Variants in MALL observed in about 807,000 individuals in gnomAD.
The protein encoded by MALL is mal, T cell differentiation protein like, also known as MAL-like protein.
Under a neutral mutation model 10.3 loss-of-function variants are expected in MALL, and 2 were observed. The ratio of observed to expected loss-of-function variants is 0.19; its 90% confidence interval spans 0.08 to 0.61. The LOEUF (loss-of-function observed/expected upper bound fraction) is 0.61. MALL is among the 20% of genes least tolerant of loss of function. MALL has a pLI of 0.88. For missense variants in MALL, 39 were observed against 115.2 expected, an observed-to-expected ratio of 0.34 and a Z score of 3.03; for synonymous variants, 27 against 51.8, an observed-to-expected ratio of 0.52 and a Z score of 2.05.
At chr2:110,115,827 C>G (rs1362717601), upstream of MALL, 37 of 1,039,614 alleles carry the variant, frequency 3.6e-5, no homozygotes, top group Admixed American at 4.3e-5. Flanking sequence ...CGCGGCAGCT[C>G]GCCCGCGCGC....
chr2:110,099,514 G>A (rs993483353), intron 1 of MALL, among the ~76,000 whole-genome samples: 39 of 152,284 alleles, frequency 2.6e-4, no homozygotes, highest in African/African-American at 9.4e-4. Context: ...TATGTAGAGT[G>A]TTCTAGCTTT....
At chr2:110,111,453 G>A (rs970980235) in intron 1 of MALL, among the ~76,000 whole-genome samples, 2 of 151,932 alleles carry the variant, frequency 1.3e-5, no homozygotes, top group Non-Finnish European at 2.9e-5. Flanking sequence ...CAAATCAAGA[G>A]CTCAACCCCT....
At chr2:110,097,193 T>C (rs1458405433) in intron 1 of MALL, among the ~76,000 whole-genome samples, 1 of 151,892 alleles carries the variant, frequency 6.6e-6, no homozygotes, top group Non-Finnish European at 1.5e-5. Context: ...GTGCTAGGAT[T>C]TGTGCAGAAA....
chr2:110,111,728 A>C (rs1476125520), intron 1 of MALL, among the ~76,000 whole-genome samples: 1 of 152,128 alleles, frequency 6.6e-6, no homozygotes, highest in East Asian at 1.9e-4. Context: ...AATTAGAAAA[A>C]AAAATTCTAA....
intron 1 of MALL, among the ~76,000 whole-genome samples, chr2:110,100,605 A>G (rs1678544126): frequency 6.6e-6 from 1 of 152,142 alleles, no homozygotes; most frequent in African/African-American, 2.4e-5. Flanking sequence ...CCTGTAGTGT[A>G]CCAGGTTGCG....
chr2:110,106,746 C>T (rs2104390346), intron 1 of MALL, among the ~76,000 whole-genome samples: 1 of 152,224 alleles, frequency 6.6e-6, no homozygotes, highest in South Asian at 2.1e-4. Flanking sequence ...ATTACCCCCA[C>T]ACAAAAGCCT....
chr2:110,113,054 G>A (rs1242939902), intron 1 of MALL, among the ~76,000 whole-genome samples: 5 of 152,124 alleles, frequency 3.3e-5, no homozygotes, highest in African/African-American at 1.2e-4. Flanking sequence ...ATATGTGGGA[G>A]CTAAGCTATA....
chr2:110,101,313 C>G (rs1678560435), intron 1 of MALL, among the ~76,000 whole-genome samples: 1 of 152,198 alleles, frequency 6.6e-6, no homozygotes, highest in Non-Finnish European at 1.5e-5. Context: ...GTTCCACACT[C>G]TGCAGTTCAA....
intron 1 of MALL, among the ~76,000 whole-genome samples, chr2:110,100,738 C>G (rs1423629985): frequency 6.6e-6 from 1 of 152,174 alleles, no homozygotes; most frequent in African/African-American, 2.4e-5. Context: ...TAGGCCACAG[C>G]CCAGCACAGG....
chr2:110,115,670 CG>C lies in MALL; in HGVS notation c.105+17del, dbSNP rs1446759120. The C allele has an allele frequency of 4.8e-6, 6 of 1,255,304 alleles. No homozygotes were observed. Among genetic ancestry groups the C allele is most frequent in the Non-Finnish European group, 6.1e-6 (6 of 988,970 alleles). The allele number at this position is 1,255,304 out of a possible 1,614,324, so 77.8% of individuals were successfully genotyped here. On this transcript the variant is annotated intron_variant, in intron 1 of 3. Coordinates refer to ENST00000272462, the MANE Select transcript of MALL (RefSeq NM_005434.5). ...CTCCCTCTCTGCAGGTGGCCCGGGTCGGGGGTGCCGCACTCACCAGCTCGGG... is the reference window on the plus strand; with the variant it reads ...CTCCCTCTCTGCAGGTGGCCCGGGTCGGGGTGCCGCACTCACCAGCTCGGG...
chr2:110,110,899 C>G (rs997327732), intron 1 of MALL, among the ~76,000 whole-genome samples: 1 of 152,068 alleles, frequency 6.6e-6, no homozygotes, highest in Non-Finnish European at 1.5e-5. Flanking sequence ...ACCAGAGATG[C>G]AAGGATGGTT....
At chr2:110,102,350 T>A (rs1678589230) in intron 1 of MALL, among the ~76,000 whole-genome samples, 1 of 112,728 alleles carries the variant, frequency 8.9e-6, no homozygotes, top group African/African-American at 2.6e-5. Flanking sequence ...TCCCCTAGGA[T>A]CACTCTCCAC....
chr2:110,108,389 A>T (rs765845408), intron 1 of MALL, among the ~76,000 whole-genome samples: 10 of 152,102 alleles, frequency 6.6e-5, no homozygotes, highest in Non-Finnish European at 1.0e-4. Flanking sequence ...GAAATGTGAA[A>T]TACTCTGGGA....
chr2:110,113,552 C>T (rs181897955), intron 1 of MALL, among the ~76,000 whole-genome samples: 2,424 of 150,790 alleles, frequency 0.016, 39 homozygotes, highest in South Asian at 0.058. Context: ...TAACCAAATA[C>T]CACCTGTACC....
intron 1 of MALL, among the ~76,000 whole-genome samples, chr2:110,097,038 T>G (rs1407318085): frequency 7.1e-6 from 1 of 141,024 alleles, no homozygotes; most frequent in Non-Finnish European, 1.5e-5. Context: ...GGGGACCAGT[T>G]AAATCAATTA....
At chr2:110,099,840 C>T (rs1029417530) in intron 1 of MALL, among the ~76,000 whole-genome samples, 1 of 152,108 alleles carries the variant, frequency 6.6e-6, no homozygotes, top group African/African-American at 2.4e-5. Flanking sequence ...AGGAAAGGAG[C>T]CTGCATCCCA....
chr2:110,097,186 C>T (rs757624916), intron 1 of MALL, among the ~76,000 whole-genome samples: 1 of 151,512 alleles, frequency 6.6e-6, no homozygotes, highest in South Asian at 2.1e-4. Context: ...ACCCAGTGTG[C>T]TAGGATTTGT....
At chr2:110,095,642 A>C (rs1678424395) in intron 1 of MALL, among the ~76,000 whole-genome samples, 2 of 152,132 alleles carry the variant, frequency 1.3e-5, no homozygotes, top group Non-Finnish European at 2.9e-5. Context: ...AAATTTAACG[A>C]TGTAGTGTGA....
intron 1 of MALL, among the ~76,000 whole-genome samples, chr2:110,115,054 C>G (rs1450028251): frequency 6.6e-6 from 1 of 152,050 alleles, no homozygotes; most frequent in Admixed American, 6.5e-5. Flanking sequence ...GACAGGTTCT[C>G]ATTTGCAACC....
Sources: gnomAD v4.1 joint callset for allele counts (sites outside exome capture counted in the v4.1 genomes callset) on GRCh38, gnomAD v4.1.1 for gene constraint, MANE v1.5 for transcripts, NCBI Gene and HGNC (gene_info 2026-07-23, HGNC 2026-07-21) for gene names.